CACNA1S: variants seen among roughly 807,000 people sequenced by gnomAD.
CACNA1S encodes the protein voltage-dependent L-type calcium channel subunit alpha-1S.
CACNA1S carries 126 observed loss-of-function variants against 207.4 expected under a neutral mutation model. That is an observed-to-expected ratio of 0.61 (90% CI 0.53 to 0.70). CACNA1S has a LOEUF of 0.70. CACNA1S is among the 30% of genes least tolerant of loss of function. The pLI, the probability that CACNA1S is intolerant of heterozygous loss-of-function variation, is 0.00. For synonymous variants in CACNA1S, 960 were observed against 932.7 expected, an observed-to-expected ratio of 1.03 and a Z score of -0.53; for missense variants, 2,349 against 2,422.8, an observed-to-expected ratio of 0.97 and a Z score of 0.64.
chr1:201,102,861 CA>C (rs1662730359), intron 2 of CACNA1S, among the ~76,000 whole-genome samples: 1 of 152,170 alleles, frequency 6.6e-6, no homozygotes, highest in Admixed American at 6.5e-5. Flanking sequence ...GCCCTCAATC[CA>C]CCCCAGGTCT....
rs190705834 is a variant in CACNA1S at position 201,070,374 on chromosome 1, G to A, written c.2258C>T (p.Pro753Leu). The A allele has an allele frequency of 1.1e-5, 18 of 1,614,028 alleles. No homozygotes were observed. The highest frequency in any genetic ancestry group is 6.7e-5 in the African/African-American group (5 of 75,044). The stretch of plus-strand genomic sequence containing the variant: ...CAGGGGACGTGGTCGGGGGCTCAGC[G>A]GGATCTCAGGCTCATCTTCCTCGTC... ...GDDEEDEPEIPLSPRPRPLAE... is the reference protein window; with the variant it reads ...GDDEEDEPEILLSPRPRPLAE... Residue 753 changes from proline to leucine, a missense_variant, in exon 17 of 44, where the codon CCG (proline) becomes CTG (leucine). Pro to Leu is a moderately conservative substitution (Grantham distance 98, BLOSUM62 -3). Transcript: ENST00000362061.
chr1:201,061,262 G>T lies in CACNA1S; in HGVS notation c.3255+5C>A. On this transcript the variant is annotated splice_donor_5th_base_variant and intron_variant, in intron 25 of 43. Coordinates refer to ENST00000362061, the MANE Select transcript of CACNA1S (RefSeq NM_000069.3). ...CCCTCCACCTCTGGCAGGCAGCCCA[G>T]GCACCTGGTTCTTGTCCAGCTCACA... The T allele has an allele frequency of 6.2e-7, 1 of 1,613,920 alleles. No homozygotes were observed. Among genetic ancestry groups the T allele is most frequent in the South Asian group, 1.1e-5 (1 of 91,078 alleles).
chr1:201,110,139 A>AG, intron 2 of CACNA1S, 25 bp downstream of exon 2: 1 of 1,598,676 alleles, frequency 6.3e-7, no homozygotes, highest in South Asian at 1.1e-5. Context: ...GCTCGCAGGA[A>AG]GGGAGATGGA....
At chr1:201,056,050 C>G (rs12403526) in intron 28 of CACNA1S, among the ~76,000 whole-genome samples, 9,345 of 140,442 alleles carry the variant, frequency 0.067, 588 homozygotes, top group East Asian at 0.3. Context: ...AACACACACA[C>G]ACAGACAGAC....
chr1:201,108,740 A>G (rs1035238572), intron 2 of CACNA1S, among the ~76,000 whole-genome samples: 3 of 152,216 alleles, frequency 2.0e-5, no homozygotes, highest in Non-Finnish European at 4.4e-5. Context: ...GGAAACCAGC[A>G]TAAAGGAAAG....
chr1:201,044,447 G>T lies in CACNA1S; in HGVS notation c.4678C>A (p.Arg1560=). 6.2e-7 allele frequency: 1 copy of T among 1,612,424 alleles called. No homozygotes were observed. The highest frequency in any genetic ancestry group is 8.5e-7 in the Non-Finnish European group (1 of 1,179,722). The stretch of plus-strand genomic sequence containing the variant: ...GGGGCTGCCTCTTCCTCAATGGTCC[G>T]CAGCCCTGCCTGGGGATGACGAAGG... ...KDIVQIQAGL[R]TIEEEAAPEI... The change falls in exon 39 of 44, where the codon CGG becomes AGG. Residue 1560 remains arginine (R), a synonymous_variant. Coordinates refer to ENST00000362061, the MANE Select transcript of CACNA1S (RefSeq NM_000069.3).
At chr1:201,041,960 A>G in intron 40 of CACNA1S, 1 of 363,376 alleles carries the variant, frequency 2.8e-6, no homozygotes, top group South Asian at 2.4e-5. Flanking sequence ...TCCCACACCC[A>G]GCATCTGTGG....
Position 201,112,092 on chromosome 1 carries a change from C to T in CACNA1S, c.152+96G>A. On this transcript the variant is annotated intron_variant, in intron 1 of 43. Transcript: ENST00000362061. Reference sequence around the variant, plus strand: ...ACCCCATGTCTAAGTGCCAGGCCTCCCTGGCCCTCCTGTAGGAAGTTTGTG... The same window carrying T: ...ACCCCATGTCTAAGTGCCAGGCCTCTCTGGCCCTCCTGTAGGAAGTTTGTG... 4 of 1,300,206 alleles carry T rather than the reference C, an allele frequency of 3.1e-6. No individual in the cohort carries two copies. The South Asian group carries it at 4.0e-5, about 13-fold the overall frequency. 80.5% of individuals were successfully genotyped at this position (1,300,206 alleles called of 1,614,324 possible).
At chr1:201,075,452 C>T in intron 13 of CACNA1S, 43 bp downstream of exon 13, 1 of 1,586,056 alleles carries the variant, frequency 6.3e-7, no homozygotes, top group Non-Finnish European at 8.6e-7. Context: ...TTCCCCCACC[C>T]CCTCCCTAAG....
Position 201,092,551 on chromosome 1 carries a change from T to G in CACNA1S, c.399-437A>C, listed in dbSNP as rs148261935. On this transcript the variant is annotated intron_variant, in intron 3 of 43. Transcript: ENST00000362061. ...CACTTTTTGATAATGCCCTTTATTT[T>G]CTTTCCTACTGGCCTCCTCTTCCTC... Among the ~76,000 whole-genome samples the G allele has an allele frequency of 4.4e-3, 663 of 152,362 alleles. 4 individuals carry two copies. The highest frequency in any genetic ancestry group is 0.015 in the African/African-American group (624 of 41,576).
At chr1:201,102,056 G>A (rs903133678) in intron 2 of CACNA1S, among the ~76,000 whole-genome samples, 5 of 152,212 alleles carry the variant, frequency 3.3e-5, no homozygotes, top group African/African-American at 1.2e-4. Context: ...GATAAGAACA[G>A]TCTTTCACCA....
At position 201,089,457 on chromosome 1, in the gene CACNA1S, A is replaced by T; in HGVS notation, c.701T>A (p.Val234Glu). 6.2e-7 allele frequency: 1 copy of T among 1,613,900 alleles called. No homozygotes were observed. Among genetic ancestry groups the T allele is most frequent in the South Asian group, 1.1e-5 (1 of 91,066 alleles). Reference protein sequence around the residue: ...KTCYFIGTDIVATVENEEPSP... With the variant: ...KTCYFIGTDIEATVENEEPSP... The stretch of plus-strand genomic sequence containing the variant: ...TGGCTCTTCATTCTCCACCGTGGCC[A>T]CGATATCTGGAGGCAGAAGGCAAAG... Residue 234 changes from valine (V) to glutamate (E), a missense_variant, in exon 6 of 44, where the codon GTG becomes GAG. Physicochemically the swap from Val to Glu is moderately radical, Grantham distance 121. Transcript: ENST00000362061.
At position 201,048,587 on chromosome 1, in the gene CACNA1S, G is replaced by A. The variant is rs780785403; in HGVS notation, c.4436C>T (p.Thr1479Met). The A allele has an allele frequency of 1.2e-5, 19 of 1,612,752 alleles. 1 individual carries two copies. Among genetic ancestry groups the A allele is most frequent in the Admixed American group, 8.3e-5 (5 of 60,014 alleles). Residue 1479 changes from threonine (T) to methionine (M), a missense_variant, in exon 36 of 44, where the codon ACG (threonine) becomes ATG (methionine). Coordinates refer to ENST00000362061, the MANE Select transcript of CACNA1S (RefSeq NM_000069.3). ...ALVRTALKIK[T>M]EGNFEQANEE... The stretch of plus-strand genomic sequence containing the variant: ...ACATTGGAAGGCACTCTCACCTTCC[G>A]TCTTGATCTTGAGTGCCGTGCGGAC...
chr1:201,083,300 G>T lies in CACNA1S; in HGVS notation c.1255C>A (p.Arg419Ser). 1 of 1,614,204 alleles carries T rather than the reference G, an allele frequency of 6.2e-7. No homozygotes were observed. Among genetic ancestry groups the T allele is most frequent in the Non-Finnish European group, 8.5e-7 (1 of 1,180,036 alleles). ...QFIRHWRQWN[R>S]IFRWKCHDIV... ...TCATGGCACTTCCAGCGAAAGATGC[G>T]GTTCCACTGCCTCCAATGTCGGCTG... The change falls in exon 10 of 44, where the codon CGC becomes AGC. Residue 419 changes from arginine to serine, a missense_variant. Physicochemically the swap from Arg to Ser is moderately radical, Grantham distance 110. Coordinates refer to ENST00000362061, the MANE Select transcript of CACNA1S (RefSeq NM_000069.3).
At chr1:201,040,811 G>A (rs1660147963) in intron 41 of CACNA1S, 98 bp from the exon 42 acceptor site, 4 of 855,282 alleles carry the variant, frequency 4.7e-6, no homozygotes, top group East Asian at 2.6e-5. Context: ...CACACTCTGT[G>A]AGAGCTCTGA....
intron 38 of CACNA1S, among the ~76,000 whole-genome samples, chr1:201,046,757 C>T (rs1217444159): frequency 1.3e-5 from 2 of 152,132 alleles, no homozygotes; most frequent in Admixed American, 1.3e-4. Flanking sequence ...TGGTCTTGAA[C>T]TCCTGACCTC....
At chr1:201,045,009 T>C (rs927377175) in intron 38 of CACNA1S, among the ~76,000 whole-genome samples, 61 of 152,194 alleles carry the variant, frequency 4.0e-4, no homozygotes, top group African/African-American at 1.4e-3. Context: ...GGGTGGAAAT[T>C]TCATGCCCTT....
At chr1:201,092,199 G>A in intron 3 of CACNA1S, 85 bp from the exon 4 acceptor site, 2 of 1,512,100 alleles carry the variant, frequency 1.3e-6, no homozygotes, top group African/African-American at 2.7e-5. Flanking sequence ...TCCTGTCCAT[G>A]CTTGAGCACC....
At chr1:201,056,082 C>CACACACACACAT (rs546855949) in intron 28 of CACNA1S, among the ~76,000 whole-genome samples, 51,717 of 150,374 alleles carry the variant, frequency 0.34, 9,793 homozygotes, top group South Asian at 0.59. Context: ...CACACACACA[C>CACACACACACAT]ACACACACAC....
Sources: allele counts gnomAD v4.1 joint callset (sites outside exome capture counted in the v4.1 genomes callset), GRCh38; gene constraint gnomAD v4.1.1; transcripts MANE v1.5; gene names NCBI Gene and HGNC (gene_info 2026-07-23, HGNC 2026-07-21).